CD86: variants seen among roughly 807,000 people sequenced by gnomAD.
CD86 encodes CD86 molecule, also known as T-lymphocyte activation antigen CD86.
A neutral mutation model predicts 32.1 loss-of-function variants in CD86; 11 were observed. The observed-to-expected ratio is 0.34, with a 90% CI of 0.22 to 0.57. The LOEUF is 0.57. CD86 is among the 20% of genes least tolerant of loss of function. CD86 has a pLI of 0.86. For synonymous variants in CD86, 137 were observed against 135.3 expected (o/e 1.01, Z -0.09); for missense variants, 359 against 398.4 (o/e 0.90, Z 0.84).
intron 4 of CD86, among the ~76,000 whole-genome samples, chr3:122,109,012 C>T (rs1183143360): frequency 6.6e-6 from 1 of 152,120 alleles, no homozygotes; most frequent in Non-Finnish European, 1.5e-5. Context: ...TGATCATGGT[C>T]GGTGTTATCC....
At chr3:122,103,114 A>T (rs1398465926) in intron 2 of CD86, among the ~76,000 whole-genome samples, 1 of 152,168 alleles carries the variant, frequency 6.6e-6, no homozygotes, top group African/African-American at 2.4e-5. Flanking sequence ...AGCTACAGTG[A>T]TGAAAACTAA....
chr3:122,058,565 T>C (rs2072276265), intron 1 of CD86, among the ~76,000 whole-genome samples: 1 of 151,804 alleles, frequency 6.6e-6, no homozygotes, highest in Non-Finnish European at 1.5e-5. Context: ...AATAGACAAA[T>C]GGGGTCTAGG....
rs151260884 is a variant in CD86, at chr3:122,109,275, C to A, written c.714C>A (p.Asp238Glu). ...LSSPFSIELE[D>E]PQPPPDHIPW... Reference sequence around the variant, plus strand: ...TGTGGTCATTTGTAGAGCTTGAGGACCCTCAGCCTCCCCCAGACCACATTC... The same window carrying A: ...TGTGGTCATTTGTAGAGCTTGAGGAACCTCAGCCTCCCCCAGACCACATTC... Residue 238 changes from aspartate (D) to glutamate (E), a missense_variant, in exon 5 of 7, where the codon GAC (aspartate) becomes GAA (glutamate). Physicochemically the swap from Asp to Glu is conservative, Grantham distance 45. Transcript: ENST00000330540. 6.2e-7 allele frequency: 1 copy of A among 1,613,192 alleles called. No homozygotes were observed. The highest frequency in any genetic ancestry group is 1.1e-5 in the South Asian group (1 of 90,824).
intron 1 of CD86, among the ~76,000 whole-genome samples, chr3:122,062,269 G>A (rs1156937746): frequency 6.6e-6 from 1 of 152,034 alleles, no homozygotes; most frequent in Non-Finnish European, 1.5e-5. Context: ...ACTGATTGTG[G>A]GAATATGAAT....
At chr3:122,062,850 T>G (rs1238161426) in intron 1 of CD86, among the ~76,000 whole-genome samples, 2 of 152,196 alleles carry the variant, frequency 1.3e-5, no homozygotes, top group African/African-American at 4.8e-5. Context: ...TCACATTCTT[T>G]GCTTTAAAAT....
Position 122,119,600 on chromosome 3 carries a change from C to T in CD86, c.*66C>T. Reference sequence around the variant, plus strand: ...CTTTCCTTTGTAAGTTCCTGGGCAACCTTTTTGATTTCTTCCAGAAGGCAA... The same window carrying T: ...CTTTCCTTTGTAAGTTCCTGGGCAATCTTTTTGATTTCTTCCAGAAGGCAA... On this transcript the variant is annotated 3_prime_UTR_variant, in exon 7 of 7. Coordinates refer to ENST00000330540, the MANE Select transcript of CD86 (RefSeq NM_175862.5). The T allele has an allele frequency of 2.9e-6, 3 of 1,023,842 alleles. No individual in the cohort carries two copies. Among genetic ancestry groups the T allele is most frequent in the Non-Finnish European group, 4.5e-6 (3 of 662,728 alleles). 63.4% of individuals were successfully genotyped at this position (1,023,842 alleles called of 1,614,324 possible).
intron 2 of CD86, among the ~76,000 whole-genome samples, chr3:122,095,285 C>T (rs1232210418): frequency 6.6e-6 from 1 of 151,578 alleles, no homozygotes; most frequent in Non-Finnish European, 1.5e-5. Flanking sequence ...GATTCTCTTG[C>T]CTCAGCCTCC....
At chr3:122,115,602 T>C (rs1277975386) in intron 5 of CD86, among the ~76,000 whole-genome samples, 3 of 151,778 alleles carry the variant, frequency 2.0e-5, no homozygotes, top group African/African-American at 4.8e-5. Flanking sequence ...TAGCCAGGCA[T>C]GGTGGCGCAT....
intron 1 of CD86, chr3:122,078,047 T>C: frequency 1.0e-6 from 1 of 985,526 alleles, no homozygotes; most frequent in Non-Finnish European, 1.2e-6. Flanking sequence ...TTGTGACAGG[T>C]ATGTTTGTGG....
At chr3:122,091,476 A>T (rs2072818977) in intron 1 of CD86, 125 bp from the exon 2 acceptor site, 1 of 740,086 alleles carries the variant, frequency 1.4e-6, no homozygotes, top group Non-Finnish European at 2.4e-6. Flanking sequence ...AAGCCCTGGC[A>T]TTGTCTCTGC....
chr3:122,101,841 A>C (rs1379807653), intron 2 of CD86, among the ~76,000 whole-genome samples: 1 of 152,118 alleles, frequency 6.6e-6, no homozygotes, highest in Admixed American at 6.6e-5. Context: ...TCATAAACAC[A>C]CTAAATCTTC....
chr3:122,067,988 A>G (rs2072437737), intron 1 of CD86, among the ~76,000 whole-genome samples: 1 of 152,188 alleles, frequency 6.6e-6, no homozygotes, highest in Non-Finnish European at 1.5e-5. Flanking sequence ...TGTACATTTT[A>G]AGTGTTCAGA....
chr3:122,075,511 A>T (rs1388294615), intron 1 of CD86, among the ~76,000 whole-genome samples: 1 of 152,198 alleles, frequency 6.6e-6, no homozygotes, highest in Admixed American at 6.5e-5. Context: ...TATAAAAAAG[A>T]CATTTTTCTG....
At chr3:122,105,653 T>C (rs1360181160) in intron 3 of CD86, among the ~76,000 whole-genome samples, 1 of 152,274 alleles carries the variant, frequency 6.6e-6, no homozygotes, top group East Asian at 1.9e-4. Context: ...ACTTTGATGC[T>C]CATGCCAAAA....
intron 5 of CD86, among the ~76,000 whole-genome samples, chr3:122,114,867 C>T (rs1443758858): frequency 2.0e-5 from 3 of 152,284 alleles, no homozygotes; most frequent in South Asian, 4.2e-4. Context: ...AAGATGACTT[C>T]CTCAACCTGA....
intron 3 of CD86, 83 bp downstream of exon 3, chr3:122,103,930 CT>C (rs2073051202): frequency 8.8e-7 from 1 of 1,141,460 alleles, no homozygotes; most frequent in African/African-American, 1.6e-5. Flanking sequence ...TGGAGGGGGA[CT>C]TGAGGGGCCC....
Position 122,103,545 on chromosome 3 carries a change from A to T in CD86, c.98A>T (p.Asn33Ile). The change falls in exon 3 of 7, where the codon AAT becomes ATT. Residue 33 changes from asparagine (N) to isoleucine (I), a missense_variant. Coordinates refer to ENST00000330540, the MANE Select transcript of CD86 (RefSeq NM_175862.5). Reference protein sequence around the residue: ...AAPLKIQAYFNETADLPCQFA... With the variant: ...AAPLKIQAYFIETADLPCQFA... ...CCTCTGAAGATTCAAGCTTATTTCA[A>T]TGAGACTGCAGACCTGCCATGCCAA... 1 of 1,613,370 alleles carries T rather than the reference A, an allele frequency of 6.2e-7. No homozygotes were observed. Among genetic ancestry groups the T allele is most frequent in the Non-Finnish European group, 8.5e-7 (1 of 1,179,642 alleles).
chr3:122,066,421 T>C (rs961495646), intron 1 of CD86, among the ~76,000 whole-genome samples: 2 of 152,144 alleles, frequency 1.3e-5, no homozygotes, highest in Admixed American at 6.6e-5. Flanking sequence ...AAAGGGACAC[T>C]GACATCTCTC....
At chr3:122,058,721 G>A (rs1217264627) in intron 1 of CD86, among the ~76,000 whole-genome samples, 2 of 152,000 alleles carry the variant, frequency 1.3e-5, no homozygotes, top group Non-Finnish European at 1.5e-5. Context: ...TAAGTTTGAA[G>A]AATCATAAAC....
Sources: allele counts gnomAD v4.1 joint callset (sites outside exome capture counted in the v4.1 genomes callset), GRCh38; gene constraint gnomAD v4.1.1; transcripts MANE v1.5; gene names NCBI Gene and HGNC (gene_info 2026-07-23, HGNC 2026-07-21).